Variants in CMTM8 observed in about 807,000 individuals in gnomAD.
CMTM8 encodes the protein CKLF-like MARVEL transmembrane domain-containing protein 8.
A neutral mutation model predicts 18.6 loss-of-function variants in CMTM8; 12 were observed. That is an observed-to-expected ratio of 0.65 (90% CI 0.41 to 1.05). The LOEUF is 1.05. CMTM8 is among the 50% of genes least tolerant of loss of function. CMTM8 has a pLI of 0.00. For synonymous variants in CMTM8, 87 were observed against 90.6 expected (o/e 0.96, Z 0.23); for missense variants, 217 against 227.2 (o/e 0.95, Z 0.29).
At chr3:32,308,554 C>T (rs775756919) in intron 1 of CMTM8, among the ~76,000 whole-genome samples, 2 of 152,228 alleles carry the variant, frequency 1.3e-5, no homozygotes, top group Non-Finnish European at 1.5e-5. Context: ...GCTCTATCAT[C>T]GTTCATGAGT....
chr3:32,368,312 A>G (rs1697083286), intron 3 of CMTM8, among the ~76,000 whole-genome samples: 1 of 152,206 alleles, frequency 6.6e-6, no homozygotes, highest in Non-Finnish European at 1.5e-5. Context: ...GTTGCAGAAA[A>G]TGAACAGAAT....
At chr3:32,280,237 G>A (rs1230549695) in intron 1 of CMTM8, among the ~76,000 whole-genome samples, 1 of 152,060 alleles carries the variant, frequency 6.6e-6, no homozygotes, top group Non-Finnish European at 1.5e-5. Flanking sequence ...GATTCACGCT[G>A]ATTTCCTAGA....
At chr3:32,331,293 A>G (rs1696268972) in intron 1 of CMTM8, among the ~76,000 whole-genome samples, 1 of 152,252 alleles carries the variant, frequency 6.6e-6, no homozygotes. Context: ...TAGGATGGCC[A>G]CTATCAAATA....
At chr3:32,330,909 A>G (rs960485712) in intron 1 of CMTM8, among the ~76,000 whole-genome samples, 1 of 152,222 alleles carries the variant, frequency 6.6e-6, no homozygotes, top group Admixed American at 6.5e-5. Flanking sequence ...GAAAAGCTTC[A>G]TGACATTGGA....
chr3:32,260,964 G>A (rs7621492), intron 1 of CMTM8, among the ~76,000 whole-genome samples: 5,555 of 152,180 alleles, frequency 0.037, 208 homozygotes, highest in South Asian at 0.2. Context: ...GCTCATGCCT[G>A]TAACCCCAGC....
chr3:32,286,352 A>G (rs766458720), intron 1 of CMTM8, among the ~76,000 whole-genome samples: 8 of 152,214 alleles, frequency 5.3e-5, no homozygotes, highest in Non-Finnish European at 1.0e-4. Flanking sequence ...GGTGGGCTAG[A>G]TGTGGCCTCA....
intron 1 of CMTM8, among the ~76,000 whole-genome samples, chr3:32,285,827 T>TC (rs1243490353): frequency 6.6e-6 from 1 of 152,152 alleles, no homozygotes; most frequent in Non-Finnish European, 1.5e-5. Context: ...TGTGCCTTTC[T>TC]CCCCCAGGAG....
intron 1 of CMTM8, among the ~76,000 whole-genome samples, chr3:32,269,836 GGCATGAT>G (rs1702409505): frequency 6.6e-6 from 1 of 151,018 alleles, no homozygotes; most frequent in Non-Finnish European, 1.5e-5. Context: ...GGAGTGCAGT[GGCATGAT>G]CATAGTTCAC....
At chr3:32,244,277 A>G (rs1701982914) in intron 1 of CMTM8, among the ~76,000 whole-genome samples, 1 of 152,006 alleles carries the variant, frequency 6.6e-6, no homozygotes, top group Admixed American at 6.6e-5. Flanking sequence ...GCAACCTGGA[A>G]CTCCTGGGCT....
At chr3:32,286,443 G>C (rs1044548869) in intron 1 of CMTM8, among the ~76,000 whole-genome samples, 3 of 152,064 alleles carry the variant, frequency 2.0e-5, no homozygotes, top group Admixed American at 1.3e-4. Context: ...TGGGGTAAAC[G>C]AAGAAGCTGT....
intron 1 of CMTM8, among the ~76,000 whole-genome samples, chr3:32,301,322 A>G (rs1315966176): frequency 6.6e-6 from 1 of 152,140 alleles, no homozygotes; most frequent in Non-Finnish European, 1.5e-5. Flanking sequence ...CATACTCTAT[A>G]TGAGTCAAGA....
chr3:32,339,445 G>A (rs115087210), intron 1 of CMTM8, among the ~76,000 whole-genome samples: 1,757 of 152,286 alleles, frequency 0.012, 31 homozygotes, highest in African/African-American at 0.04. Context: ...TCTTCATGCT[G>A]TGTTTGAAAA....
chr3:32,306,082 C>T (rs1329184177), intron 1 of CMTM8, among the ~76,000 whole-genome samples: 4 of 152,140 alleles, frequency 2.6e-5, no homozygotes, highest in Admixed American at 2.6e-4. Context: ...ATGGTCACTC[C>T]TTTTTCGTGA....
chr3:32,245,242 A>G (rs554521776), intron 1 of CMTM8, among the ~76,000 whole-genome samples: 1 of 152,354 alleles, frequency 6.6e-6, no homozygotes, highest in South Asian at 2.1e-4. Context: ...ACAAAGAATT[A>G]CTAAGAACCT....
At chr3:32,336,874 T>A (rs1220620625) in intron 1 of CMTM8, among the ~76,000 whole-genome samples, 1 of 152,186 alleles carries the variant, frequency 6.6e-6, no homozygotes, top group Non-Finnish European at 1.5e-5. Context: ...ATTGAATACC[T>A]GAGACTGGGT....
chr3:32,249,313 C>T (rs865813957), intron 1 of CMTM8, among the ~76,000 whole-genome samples: 2 of 151,416 alleles, frequency 1.3e-5, no homozygotes, highest in Non-Finnish European at 2.9e-5. Context: ...GCCTGTAGTC[C>T]CAGCTACTCA....
At chr3:32,332,121 T>C (rs1696287949) in intron 1 of CMTM8, among the ~76,000 whole-genome samples, 2 of 151,900 alleles carry the variant, frequency 1.3e-5, no homozygotes. Flanking sequence ...GTAAAATAAA[T>C]GAGAATTCAA....
At chr3:32,366,071 G>C (rs569883300) in intron 2 of CMTM8, among the ~76,000 whole-genome samples, 4 of 151,870 alleles carry the variant, frequency 2.6e-5, no homozygotes, top group African/African-American at 4.8e-5. Context: ...GGCATTCCCC[G>C]GACATGTTTA....
chr3:32,318,793 T>A (rs1695980135), intron 1 of CMTM8, among the ~76,000 whole-genome samples: 1 of 150,810 alleles, frequency 6.6e-6, no homozygotes, highest in Non-Finnish European at 1.5e-5. Flanking sequence ...GGTCTCGATC[T>A]CCTGACCTCG....
Sources: gnomAD v4.1 joint callset for allele counts (sites outside exome capture counted in the v4.1 genomes callset) on GRCh38, gnomAD v4.1.1 for gene constraint, MANE v1.5 for transcripts, NCBI Gene and HGNC (gene_info 2026-07-23, HGNC 2026-07-21) for gene names.